Variants in ZNF518A observed in about 807,000 individuals in gnomAD.
ZNF518A encodes the protein zinc finger protein 518.
Under a neutral mutation model 102.7 loss-of-function variants are expected in ZNF518A, and 47 were observed. The observed-to-expected ratio is 0.46, with a 90% confidence interval of 0.36 to 0.58. The LOEUF is 0.58. Among genes scored for constraint, ZNF518A ranks in the 20% least tolerant of loss-of-function variants. ZNF518A has a pLI of 0.00. For missense variants in ZNF518A, 1,793 were observed against 1,699.8 expected (o/e 1.05, Z -0.96); for synonymous variants, 652 against 594.6 (o/e 1.10, Z -1.40).
chr10:96,199,614 G>A, intron 1 of ZNF518A: 2 of 435,880 alleles, frequency 4.6e-6, no homozygotes, highest in Admixed American at 2.6e-5. Context: ...TCTTGAGTAA[G>A]TAAAGGAAAA....
rs1457422509 is a variant in ZNF518A at position 96,156,946 on chromosome 10, A to G, written c.624A>G (p.Gln208=). The G allele has an allele frequency of 4.3e-6, 7 of 1,613,806 alleles. No homozygotes were observed. Among genetic ancestry groups the G allele is most frequent in the Admixed American group, 3.3e-5 (2 of 60,006 alleles). The change falls in exon 6 of 6, where the codon CAA becomes CAG. Residue 208 remains glutamine, a synonymous_variant. Transcript: ENST00000316045. ...TSTHCVNGNF[Q]CEKCKFSTQD... Reference sequence around the variant, plus strand: ...CACATTGTGTTAATGGTAATTTTCAATGTGAAAAGTGTAAGTTCTCCACCC... The same window carrying G: ...CACATTGTGTTAATGGTAATTTTCAGTGTGAAAAGTGTAAGTTCTCCACCC...
rs1554887027 is a variant in ZNF518A, at chr10:96,160,241, G to T, written c.3919G>T (p.Asp1307Tyr). ...GTGTAAAGAAAAGGCAAAACCTGAA[G>T]ATGTCCGTGAAACATTTGGATTTAG... Reference protein sequence around the residue: ...RKCKEKAKPEDVRETFGFSRP... With the variant: ...RKCKEKAKPEYVRETFGFSRP... Residue 1307 changes from aspartate to tyrosine, a missense_variant, in exon 6 of 6, where the codon GAT (aspartate) becomes TAT (tyrosine). By Grantham distance (160) the Asp-to-Tyr change is radical (BLOSUM62 -3). Around this residue, in one of 3 missense-constraint regions of ZNF518A, gnomAD observed 1,741 missense variants for 1,622.6 expected, o/e 1.07. Coordinates refer to ENST00000316045, the MANE Select transcript of ZNF518A (RefSeq NM_001330736.2). 4 of 1,613,144 alleles carry T rather than the reference G, an allele frequency of 2.5e-6. No individual in the cohort carries two copies.
chr10:96,172,501 C>G (rs1002558734), intron 1 of ZNF518A, among the ~76,000 whole-genome samples: 1 of 151,866 alleles, frequency 6.6e-6, no homozygotes, highest in African/African-American at 2.4e-5. Context: ...ATAAGTATAA[C>G]AGTTTATTCT....
At chr10:96,177,662 A>G (rs1554891626) in intron 1 of ZNF518A, among the ~76,000 whole-genome samples, 1 of 152,192 alleles carries the variant, frequency 6.6e-6, no homozygotes, top group Non-Finnish European at 1.5e-5. Context: ...TGTAAAAAAC[A>G]TGTAATTACT....
chr10:96,132,734 T>C (rs782641029), intron 2 of ZNF518A, 64 bp downstream of exon 2: 1 of 152,060 alleles, frequency 6.6e-6, no homozygotes, highest in Non-Finnish European at 1.5e-5. Context: ...TATGTTTTAA[T>C]ATTGGACTAA....
downstream of ZNF518A, among the ~76,000 whole-genome samples, chr10:96,165,625 C>T (rs1554890187): frequency 2.0e-5 from 3 of 152,146 alleles, no homozygotes; most frequent in Non-Finnish European, 4.4e-5. Context: ...CCCTCTTCCT[C>T]TAACAGAGCT....
downstream of ZNF518A, chr10:96,204,775 TG>T (rs1459049595): frequency 7.4e-6 from 5 of 672,444 alleles, no homozygotes; most frequent in Non-Finnish European, 1.3e-5. Context: ...CTTGCCAGTC[TG>T]TTGATGTGGT....
intron 1 of ZNF518A, among the ~76,000 whole-genome samples, chr10:96,131,601 T>C (rs2081341351): frequency 1.3e-5 from 2 of 152,316 alleles, no homozygotes. Context: ...AAAATGTAGG[T>C]ATGTTACACA....
exon 3 of ZNF518A, chr10:96,203,921 TA>T: frequency 1.6e-6 from 1 of 644,502 alleles, no homozygotes; most frequent in Non-Finnish European, 2.8e-6. Context: ...ATTTTACAGG[TA>T]AGGAAACAAG....
In ZNF518A at chr10:96,158,004, C is replaced by T. The variant is rs376327734; in HGVS notation, c.1682C>T (p.Thr561Ile). 3 of 1,613,772 alleles carry T rather than the reference C, an allele frequency of 1.9e-6. No homozygotes were observed. Among genetic ancestry groups the T allele is most frequent in the Non-Finnish European group, 2.5e-6 (3 of 1,179,778 alleles). The change falls in exon 6 of 6, where the codon ACA (threonine) becomes ATA (isoleucine). Residue 561 changes from threonine to isoleucine, a missense_variant. Thr to Ile is a moderately conservative substitution (Grantham distance 89). Around this residue, in one of 3 missense-constraint regions of ZNF518A, gnomAD observed 1,741 missense variants for 1,622.6 expected, o/e 1.07. Transcript: ENST00000316045. ...SSLSATSELV[T>I]ASVNLTTKFE... ...TTGTCAGCAACATCAGAATTGGTTA[C>T]AGCATCAGTGAATTTGACCACAAAA...
rs375913660 is a variant in ZNF518A, at chr10:96,157,886, T to C, written c.1564T>C (p.Ser522Pro). 1 of 1,613,888 alleles carries C rather than the reference T, an allele frequency of 6.2e-7. No individual in the cohort carries two copies. Among genetic ancestry groups the C allele is most frequent in the Non-Finnish European group, 8.5e-7 (1 of 1,179,784 alleles). The change falls in exon 6 of 6, where the codon TCA (serine) becomes CCA (proline). Residue 522 changes from serine to proline, a missense_variant. Physicochemically the swap from Ser to Pro is moderately conservative, Grantham distance 74. Coordinates refer to ENST00000316045, the MANE Select transcript of ZNF518A (RefSeq NM_001330736.2). ...ATTTTCATGTTCATCTTCTATACTTTCAGGGAAAGCAAGTTCAGAAAAAGA... is the reference window on the plus strand; with the variant it reads ...ATTTTCATGTTCATCTTCTATACTTCCAGGGAAAGCAAGTTCAGAAAAAGA... Reference protein sequence around the residue: ...TPFSCSSSILSGKASSEKEMT... With the variant: ...TPFSCSSSILPGKASSEKEMT...
intron 1 of ZNF518A, among the ~76,000 whole-genome samples, chr10:96,187,687 G>T (rs1244094923): frequency 6.6e-6 from 1 of 152,194 alleles, no homozygotes; most frequent in African/African-American, 2.4e-5. Flanking sequence ...CAGAAGACAA[G>T]AACTGGGGTG....
At chr10:96,153,159 C>G (rs782313766) in intron 3 of ZNF518A, among the ~76,000 whole-genome samples, 1 of 152,336 alleles carries the variant, frequency 6.6e-6, no homozygotes, top group African/African-American at 2.4e-5. Flanking sequence ...GCCTGGAGTT[C>G]TGATGCCCAA....
In ZNF518A at chr10:96,156,554, C is replaced by G; in HGVS notation, c.232C>G (p.Gln78Glu). The change falls in exon 6 of 6, where the codon CAG becomes GAG. Residue 78 changes from glutamine to glutamate, a missense_variant. Transcript: ENST00000316045. Reference sequence around the variant, plus strand: ...ATACAGAAAATTATTTCAGAGTAAACAGCAGACTGCAAGAAAATCTATCAG... The same window carrying G: ...ATACAGAAAATTATTTCAGAGTAAAGAGCAGACTGCAAGAAAATCTATCAG... Reference protein sequence around the residue: ...DKYRKLFQSKQQTARKSISIK... With the variant: ...DKYRKLFQSKEQTARKSISIK... 6.2e-7 allele frequency: 1 copy of G among 1,612,974 alleles called. No individual in the cohort carries two copies. The highest frequency in any genetic ancestry group is 8.5e-7 in the Non-Finnish European group (1 of 1,179,510).
chr10:96,167,722 G>A (rs1207232237), downstream of ZNF518A, among the ~76,000 whole-genome samples: 2 of 152,072 alleles, frequency 1.3e-5, no homozygotes, highest in East Asian at 1.9e-4. Flanking sequence ...TGAAGAAAAA[G>A]TGTTCTTCAC....
intron 1 of ZNF518A, among the ~76,000 whole-genome samples, chr10:96,192,306 G>T (rs2083347529): frequency 6.6e-6 from 1 of 151,132 alleles, no homozygotes; most frequent in East Asian, 1.9e-4. Context: ...CACACTGACA[G>T]CCTCAATTAG....
chr10:96,154,200 C>T (rs2082585762), intron 3 of ZNF518A, among the ~76,000 whole-genome samples: 2 of 152,134 alleles, frequency 1.3e-5, no homozygotes, highest in South Asian at 2.1e-4. Context: ...GGTATGGTGG[C>T]GCATGCCTGT....
At chr10:96,176,862 A>C (rs1269556680) in intron 1 of ZNF518A, among the ~76,000 whole-genome samples, 1 of 152,212 alleles carries the variant, frequency 6.6e-6, no homozygotes, top group African/African-American at 2.4e-5. Context: ...GTGCCACTGC[A>C]TTCCAGCCTG....
In ZNF518A at chr10:96,154,029, A is replaced by G. The variant is rs957590483; in HGVS notation, c.-301-1297A>G. Among the ~76,000 whole-genome samples, 3 of 152,202 alleles carry G rather than the reference A, an allele frequency of 2.0e-5. No individual in the cohort carries two copies. The East Asian group carries it at 5.8e-4, about 29-fold the overall frequency. ...ACAGTTTGATTTCCTACCTCTTCAT[A>G]TATTCCATTTCCCCACTCTTGCCCT... is the stretch of plus-strand genomic sequence containing the variant. On this transcript the variant is annotated intron_variant, in intron 3 of 5. Coordinates refer to ENST00000316045, the MANE Select transcript of ZNF518A (RefSeq NM_001330736.2).
Sources: gnomAD v4.1 joint callset for allele counts (sites outside exome capture counted in the v4.1 genomes callset) on GRCh38, gnomAD v4.1.1 for gene constraint, gnomAD v4.1.1 regional missense constraint, MANE v1.5 for transcripts, NCBI Gene and HGNC (gene_info 2026-07-23, HGNC 2026-07-21) for gene names.